NXPH2: variants seen among roughly 807,000 people sequenced by gnomAD.
NXPH2 encodes the protein neurexophilin-2.
A neutral mutation model predicts 19.8 loss-of-function variants in NXPH2; 5 were observed. The observed-to-expected ratio is 0.25, with a 90% CI of 0.13 to 0.53. The LOEUF (loss-of-function observed/expected upper bound fraction) is 0.53. Ranked by LOEUF, NXPH2 falls within the 20% of genes least tolerant of loss-of-function variation. NXPH2 has a pLI of 0.96. For missense variants in NXPH2, 289 were observed against 322.8 expected (o/e 0.90, Z 0.80); for synonymous variants, 154 against 127.4 (o/e 1.21, Z -1.41).
At chr2:138,780,150 C>T in intron 1 of NXPH2, 41 bp downstream of exon 1, 1 of 1,469,544 alleles carries the variant, frequency 6.8e-7, no homozygotes, top group Non-Finnish European at 8.9e-7. Flanking sequence ...CGCCGAAACG[C>T]GTCCCCGGCG....
Position 138,671,613 on chromosome 2 carries a change from T to C in NXPH2, c.104A>G (p.Glu35Gly). 1 of 1,606,508 alleles carries C rather than the reference T, an allele frequency of 6.2e-7. No individual in the cohort carries two copies. The highest frequency in any genetic ancestry group is 8.5e-7 in the Non-Finnish European group (1 of 1,176,694). ...VVHATEGLDW[E>G]DKDAPGTLVG... ...CAACGTCCCTGGAGCATCTTTGTCT[T>C]CCCAATCCAGCCCCTCCGTGGCATG... Residue 35 changes from glutamate (E) to glycine (G), a missense_variant, in exon 2 of 2, where the codon GAA (glutamate) becomes GGA (glycine). Transcript: ENST00000272641.
chr2:138,713,913 G>A (rs1681150278), intron 1 of NXPH2, among the ~76,000 whole-genome samples: 2 of 150,830 alleles, frequency 1.3e-5, no homozygotes, highest in African/African-American at 4.9e-5. Flanking sequence ...GTTCCTATTG[G>A]CACATTCCTA....
At chr2:138,715,009 A>G (rs1035787450) in intron 1 of NXPH2, among the ~76,000 whole-genome samples, 4 of 152,236 alleles carry the variant, frequency 2.6e-5, no homozygotes, top group African/African-American at 9.6e-5. Flanking sequence ...AGTAAAACTT[A>G]GAAGTGAAAT....
At chr2:138,744,841 T>A (rs1216778245) in intron 1 of NXPH2, among the ~76,000 whole-genome samples, 1 of 152,194 alleles carries the variant, frequency 6.6e-6, no homozygotes, top group Non-Finnish European at 1.5e-5. Flanking sequence ...GATCTCTGAG[T>A]GTAGACAGCT....
intron 1 of NXPH2, among the ~76,000 whole-genome samples, chr2:138,684,402 T>C (rs1307308395): frequency 2.6e-5 from 4 of 152,184 alleles, no homozygotes; most frequent in Non-Finnish European, 4.4e-5. Context: ...AAAAGTTTAT[T>C]CTAGAAAATG....
chr2:138,774,565 A>G (rs1275809541), intron 1 of NXPH2, among the ~76,000 whole-genome samples: 1 of 152,250 alleles, frequency 6.6e-6, no homozygotes, highest in Non-Finnish European at 1.5e-5. Context: ...AGATGTTAAA[A>G]ACAAATTTTT....
intron 1 of NXPH2, among the ~76,000 whole-genome samples, chr2:138,736,676 G>C (rs1681543872): frequency 6.6e-6 from 1 of 152,224 alleles, no homozygotes; most frequent in East Asian, 1.9e-4. Flanking sequence ...TCTGCAGCCA[G>C]CTTGAATCTC....
At chr2:138,766,810 A>G (rs1408846976) in intron 1 of NXPH2, among the ~76,000 whole-genome samples, 1 of 152,252 alleles carries the variant, frequency 6.6e-6, no homozygotes, top group Non-Finnish European at 1.5e-5. Flanking sequence ...TAAGGTCAAA[A>G]TGCTTTTTCC....
chr2:138,721,924 CA>C (rs1681284606), intron 1 of NXPH2, among the ~76,000 whole-genome samples: 1 of 152,206 alleles, frequency 6.6e-6, no homozygotes. Flanking sequence ...TGCAGACCTA[CA>C]ATAGCAATGG....
intron 1 of NXPH2, among the ~76,000 whole-genome samples, chr2:138,754,708 G>C (rs550639857): frequency 1.1e-4 from 16 of 152,088 alleles, no homozygotes; most frequent in Non-Finnish European, 1.9e-4. Flanking sequence ...AAATATCTGG[G>C]AGTTCAATTC....
intron 1 of NXPH2, among the ~76,000 whole-genome samples, chr2:138,673,821 C>T (rs959946261): frequency 6.6e-6 from 1 of 151,824 alleles, no homozygotes. Context: ...ACTCATCCAT[C>T]AATCTCTCTT....
intron 1 of NXPH2, among the ~76,000 whole-genome samples, chr2:138,695,746 T>C (rs1193483316): frequency 6.6e-6 from 1 of 151,962 alleles, no homozygotes; most frequent in Middle Eastern, 3.2e-3. Flanking sequence ...CAAGAAAAGA[T>C]GTAAAAATCA....
chr2:138,778,403 A>G (rs1400418146), intron 1 of NXPH2, among the ~76,000 whole-genome samples: 4 of 152,208 alleles, frequency 2.6e-5, no homozygotes, highest in Non-Finnish European at 4.4e-5. Context: ...TAAGGAGAGC[A>G]TATAATCCCT....
intron 1 of NXPH2, among the ~76,000 whole-genome samples, chr2:138,716,859 C>T (rs577168212): frequency 4.1e-4 from 63 of 152,252 alleles, no homozygotes; most frequent in Non-Finnish European, 7.9e-4. Context: ...TCTGGGGCTG[C>T]TTCCTCATGT....
At chr2:138,758,056 G>C (rs1295569730) in intron 1 of NXPH2, among the ~76,000 whole-genome samples, 1 of 152,062 alleles carries the variant, frequency 6.6e-6, no homozygotes, top group Non-Finnish European at 1.5e-5. Context: ...AACATGTTAA[G>C]ACTCTCAAAT....
intron 1 of NXPH2, among the ~76,000 whole-genome samples, chr2:138,751,949 C>T (rs1453337799): frequency 2.0e-5 from 3 of 151,940 alleles, no homozygotes; most frequent in Non-Finnish European, 4.4e-5. Context: ...AGAGATAACT[C>T]TAGGAATATT....
At chr2:138,721,538 A>T (rs1681279396) in intron 1 of NXPH2, among the ~76,000 whole-genome samples, 1 of 152,060 alleles carries the variant, frequency 6.6e-6, no homozygotes, top group Non-Finnish European at 1.5e-5. Context: ...AATATGGAGG[A>T]TGTACTGGAG....
chr2:138,726,381 T>C (rs1448814491), intron 1 of NXPH2, among the ~76,000 whole-genome samples: 2 of 152,174 alleles, frequency 1.3e-5, no homozygotes, highest in Non-Finnish European at 2.9e-5. Flanking sequence ...TGTTGATTTA[T>C]TTCCTCTTAG....
At chr2:138,682,585 GC>G (rs2104970245) in intron 1 of NXPH2, among the ~76,000 whole-genome samples, 1 of 152,282 alleles carries the variant, frequency 6.6e-6, no homozygotes, top group African/African-American at 2.4e-5. Flanking sequence ...GGAGAAGAAA[GC>G]TAAACAGTGG....
Sources: gnomAD v4.1 joint callset for allele counts (sites outside exome capture counted in the v4.1 genomes callset) on GRCh38, gnomAD v4.1.1 for gene constraint, MANE v1.5 for transcripts, NCBI Gene and HGNC (gene_info 2026-07-23, HGNC 2026-07-21) for gene names.